SLC4A7: variants seen among roughly 807,000 people sequenced by gnomAD.
The protein encoded by SLC4A7 is solute carrier family 4 member 7.
In SLC4A7, 51 loss-of-function variants were observed where a neutral mutation model predicts 137.6. The ratio of observed to expected loss-of-function variants is 0.37; its 90% CI spans 0.30 to 0.47. The LOEUF (loss-of-function observed/expected upper bound fraction) is 0.47, where lower values mean the gene tolerates loss of function less well. Among genes scored for constraint, SLC4A7 ranks in the 20% least tolerant of loss-of-function variants. The pLI is 1.00. For synonymous variants in SLC4A7, 542 were observed against 518.6 expected, an observed-to-expected ratio of 1.05 and a Z score of -0.61; for missense variants, 1,247 against 1,525.4, an observed-to-expected ratio of 0.82 and a Z score of 3.04.
At chr3:27,423,888 T>C (rs888553767) in intron 8 of SLC4A7, 149 bp downstream of exon 8, 3 of 560,904 alleles carry the variant, frequency 5.3e-6, no homozygotes, top group African/African-American at 1.9e-5. Context: ...TTACCTTAAA[T>C]TAACATATCA....
intron 1 of SLC4A7, 35 bp downstream of exon 1, chr3:27,484,032 C>A: frequency 7.3e-7 from 1 of 1,374,288 alleles, no homozygotes; most frequent in African/African-American, 1.5e-5. Flanking sequence ...GCGCCCTCCC[C>A]CTGCGGAGGA....
At chr3:27,475,857 A>G (rs1013118335) in intron 1 of SLC4A7, among the ~76,000 whole-genome samples, 1 of 152,242 alleles carries the variant, frequency 6.6e-6, no homozygotes, top group African/African-American at 2.4e-5. Context: ...GGCTAATTAC[A>G]GCACCTGTAT....
Position 27,484,152 on chromosome 3 carries a change from C to A in SLC4A7, c.-26G>T. The A allele has an allele frequency of 5.9e-6, 8 of 1,346,760 alleles. No individual in the cohort carries two copies. Among genetic ancestry groups the A allele is most frequent in the Non-Finnish European group, 7.6e-6 (8 of 1,046,978 alleles). 83.4% of individuals were successfully genotyped at this position (1,346,760 alleles called of 1,614,324 possible). On this transcript the variant is annotated 5_prime_UTR_variant, in exon 1 of 26. Coordinates refer to ENST00000454389, the MANE Select transcript of SLC4A7 (RefSeq NM_001321103.2). ...GGCCGGCCGGCCAGCCCGTGACGGC[C>A]GCTACGGTACTGCCCCGCGCGGTCT... is the stretch of plus-strand genomic sequence containing the variant.
At chr3:27,423,427 A>AACT (rs2055200150) in intron 8 of SLC4A7, among the ~76,000 whole-genome samples, 1 of 152,360 alleles carries the variant, frequency 6.6e-6, no homozygotes, top group Admixed American at 6.5e-5. Flanking sequence ...TTACAATTTG[A>AACT]ACTTAGTAGT....
intron 1 of SLC4A7, among the ~76,000 whole-genome samples, chr3:27,461,698 G>A (rs1467123494): frequency 1.3e-5 from 2 of 151,440 alleles, no homozygotes; most frequent in African/African-American, 2.4e-5. Context: ...AGTGGCTCAC[G>A]TCTGTAATCC....
rs1303948532 is a variant in SLC4A7, at chr3:27,474,100, AC to A, written c.60+9966del. Among the ~76,000 whole-genome samples, 8 of 152,328 alleles carry A rather than the reference AC, an allele frequency of 5.3e-5. No individual in the cohort carries two copies. The South Asian group carries it at 1.7e-3, about 32-fold the overall frequency. On this transcript the variant is annotated intron_variant, in intron 1 of 25. Transcript: ENST00000454389. ...CTCTCTGACTTTCTATACTCTAGAG[AC>A]TAAATTTTGAAAGTCTAACATTATC...
intron 3 of SLC4A7, among the ~76,000 whole-genome samples, chr3:27,440,753 T>A (rs547553334): frequency 9.4e-5 from 14 of 149,584 alleles, no homozygotes; most frequent in African/African-American, 3.5e-4. Flanking sequence ...AATAAATAAA[T>A]AAAAAATAGG....
intron 3 of SLC4A7, among the ~76,000 whole-genome samples, chr3:27,438,289 G>A (rs1417395038): frequency 6.6e-6 from 1 of 151,070 alleles, no homozygotes; most frequent in African/African-American, 2.4e-5. Context: ...GTTGGATCAT[G>A]AGGTCAGCAG....
rs184874236 is a variant in SLC4A7, at chr3:27,401,355, A to T, written c.2322-486T>A. 3.3e-5 allele frequency among the ~76,000 whole-genome samples: 5 copies of T among 152,344 alleles called. No homozygotes were observed. The East Asian group carries it at 9.6e-4, about 29-fold the overall frequency. ...TCATTCTTAAAGAAATAAATAAAAA[A>T]TAGTTTCTCATCAGGACAGGACTAG... On this transcript the variant is annotated intron_variant, in intron 15 of 25. Coordinates refer to ENST00000454389, the MANE Select transcript of SLC4A7 (RefSeq NM_001321103.2).
At position 27,394,728 on chromosome 3, in the gene SLC4A7, A is replaced by T. The variant is rs997318724; in HGVS notation, c.2907T>A (p.Val969=). The change falls in exon 20 of 26, where the codon GTT becomes GTA. Residue 969 remains valine, a synonymous_variant. Transcript: ENST00000454389. ...GYHLDLLMVG[V]MLGVCSVMGL... is the part of the protein sequence containing the mutation. Reference sequence around the variant, plus strand: ...CCATGACAGAGCAAACTCCCAACATAACGCCAACCATGAGCAAATCAAGGT... The same window carrying T: ...CCATGACAGAGCAAACTCCCAACATTACGCCAACCATGAGCAAATCAAGGT... 1 of 1,614,182 alleles carries T rather than the reference A, an allele frequency of 6.2e-7. No homozygotes were observed. Among genetic ancestry groups the T allele is most frequent in the Non-Finnish European group, 8.5e-7 (1 of 1,180,014 alleles).
At chr3:27,449,081 T>A (rs975572682) in intron 2 of SLC4A7, among the ~76,000 whole-genome samples, 2 of 152,158 alleles carry the variant, frequency 1.3e-5, no homozygotes, top group East Asian at 1.9e-4. Context: ...TTTGTATTTT[T>A]AGTAGAGATG....
chr3:27,457,888 G>A (rs908696399), intron 1 of SLC4A7, among the ~76,000 whole-genome samples: 7 of 152,064 alleles, frequency 4.6e-5, no homozygotes, highest in Non-Finnish European at 1.0e-4. Context: ...ATTATCATGG[G>A]TAACAAACAC....
chr3:27,461,866 G>T (rs1189572794), intron 1 of SLC4A7, among the ~76,000 whole-genome samples: 1 of 151,838 alleles, frequency 6.6e-6, no homozygotes, highest in African/African-American at 2.4e-5. Flanking sequence ...AGAGGCTGAA[G>T]TGGGAGGATC....
chr3:27,395,355 C>G (rs2052038306), intron 18 of SLC4A7, among the ~76,000 whole-genome samples: 2 of 152,142 alleles, frequency 1.3e-5, no homozygotes, highest in Non-Finnish European at 2.9e-5. Context: ...CTGCCTCCTT[C>G]CCCCCTGAAA....
At chr3:27,395,341 G>C (rs1168895000) in intron 18 of SLC4A7, among the ~76,000 whole-genome samples, 1 of 152,098 alleles carries the variant, frequency 6.6e-6, no homozygotes, top group Non-Finnish European at 1.5e-5. Context: ...CCTAGAGGTG[G>C]AGTCTGCCTC....
chr3:27,461,915 T>C (rs1362622809), intron 1 of SLC4A7, among the ~76,000 whole-genome samples: 1 of 151,912 alleles, frequency 6.6e-6, no homozygotes, highest in East Asian at 1.9e-4. Flanking sequence ...TGACCCAAGA[T>C]TGTACCACTG....
At position 27,376,790 on chromosome 3, in the gene SLC4A7, A is replaced by G. The variant is rs751269332; in HGVS notation, c.3754T>C (p.Tyr1252His). The G allele has an allele frequency of 1.3e-6, 2 of 1,599,278 alleles. No individual in the cohort carries two copies. Among genetic ancestry groups the G allele is most frequent in the South Asian group, 1.1e-5 (1 of 89,430 alleles). ...TATAATGAAGTTTCAGCATCCACGTATTTCTTTCTTGGTTCATCTTCAAAA... is the reference window on the plus strand; with the variant it reads ...TATAATGAAGTTTCAGCATCCACGTGTTTCTTTCTTGGTTCATCTTCAAAA... ...ISFEDEPRKKYVDAETSL is the reference protein window; with the variant it reads ...ISFEDEPRKKHVDAETSL The change falls in exon 26 of 26, where the codon TAC (tyrosine) becomes CAC (histidine). Residue 1252 changes from tyrosine to histidine, a missense_variant. By Grantham distance (83) the Tyr-to-His change is moderately conservative (BLOSUM62 2). Coordinates refer to ENST00000454389, the MANE Select transcript of SLC4A7 (RefSeq NM_001321103.2).
At chr3:27,379,712 A>G (rs1396994033) in intron 24 of SLC4A7, among the ~76,000 whole-genome samples, 1 of 151,868 alleles carries the variant, frequency 6.6e-6, no homozygotes, top group African/African-American at 2.4e-5. Flanking sequence ...TATACATACA[A>G]AAAAAAATAC....
chr3:27,484,265 C>T lies in SLC4A7; in HGVS notation c.-139G>A, dbSNP rs1041569769. On this transcript the variant is annotated 5_prime_UTR_variant, in exon 1 of 26. Coordinates refer to ENST00000454389, the MANE Select transcript of SLC4A7 (RefSeq NM_001321103.2). Reference sequence around the variant, plus strand: ...GGTGCGTCCGTGCGCGAGGTGTGCGCGCGTGGGGAGAGCCGGGCGCCGGGC... The same window carrying T: ...GGTGCGTCCGTGCGCGAGGTGTGCGTGCGTGGGGAGAGCCGGGCGCCGGGC... 1.6e-6 allele frequency: 1 copy of T among 630,440 alleles called. No homozygotes were observed. Among genetic ancestry groups the T allele is most frequent in the East Asian group, 3.9e-5 (1 of 25,660 alleles). 39.1% of individuals were successfully genotyped at this position (630,440 alleles called of 1,614,324 possible).
Sources: gnomAD v4.1 joint callset for allele counts (sites outside exome capture counted in the v4.1 genomes callset) on GRCh38, gnomAD v4.1.1 for gene constraint, MANE v1.5 for transcripts, NCBI Gene and HGNC (gene_info 2026-07-23, HGNC 2026-07-21) for gene names.